ZNF182: variants seen among roughly 807,000 people sequenced by gnomAD.
ZNF182 encodes zinc finger protein 21 (KOX 14).
Under a neutral mutation model 28.1 loss-of-function variants are expected in ZNF182, and 10 were observed. The observed-to-expected ratio is 0.36, with a 90% CI of 0.22 to 0.60. The LOEUF (loss-of-function observed/expected upper bound fraction) is 0.60, where lower values mean the gene tolerates loss of function less well. Among genes scored for constraint, ZNF182 ranks in the 20% least tolerant of loss-of-function variants. ZNF182 has a pLI of 0.75. For missense variants in ZNF182, 352 were observed against 453.2 expected, an observed-to-expected ratio of 0.78 and a Z score of 2.03; for synonymous variants, 156 against 158.7, an observed-to-expected ratio of 0.98 and a Z score of 0.13.
At chrX:47,991,092 G>A (rs1201280426) in intron 3 of ZNF182, among the ~76,000 whole-genome samples, 1 of 111,763 alleles carries the variant, frequency 8.9e-6, no homozygotes, top group African/African-American at 3.3e-5. Flanking sequence ...CCCCCAATGT[G>A]ACTATATGTA....
intron 5 of ZNF182, among the ~76,000 whole-genome samples, chrX:47,981,972 T>C (rs1234873254): frequency 1.8e-5 from 2 of 110,865 alleles, no homozygotes; most frequent in Non-Finnish European, 3.8e-5. Flanking sequence ...CCTATGTATC[T>C]ACCCAAAAGA....
At chrX:48,001,255 T>C (rs782476548) in intron 3 of ZNF182, among the ~76,000 whole-genome samples, 6 of 112,639 alleles carry the variant, frequency 5.3e-5, no homozygotes, top group Non-Finnish European at 1.1e-4. Context: ...GTAGCTCTAC[T>C]CATAATTGCC....
intron 3 of ZNF182, among the ~76,000 whole-genome samples, chrX:48,001,596 G>C (rs782120366): frequency 8.9e-6 from 1 of 111,834 alleles, no homozygotes; most frequent in Non-Finnish European, 1.9e-5. Context: ...GGATCCTTGC[G>C]ATGATGGGGC....
Position 47,976,100 on chromosome X carries a change from T to C in ZNF182, c.*67A>G. On this transcript the variant is annotated 3_prime_UTR_variant, in exon 6 of 6. Coordinates refer to ENST00000376943, the MANE Select transcript of ZNF182 (RefSeq NM_001007088.2). The stretch of plus-strand genomic sequence containing the variant: ...TTAAACCACAAGTCAAAATATACTT[T>C]TAAAATGTGAGTAAAATTGACACAA... The C allele has an allele frequency of 9.8e-7, 1 of 1,023,004 alleles. No individual in the cohort carries two copies. Among genetic ancestry groups the C allele is most frequent in the Non-Finnish European group, 1.3e-6 (1 of 777,024 alleles). The allele number at this position is 1,023,004 out of a possible 1,213,427, so 84.3% of individuals were successfully genotyped here. A position where few individuals can be genotyped will look rare whatever the true frequency, so the allele number is the denominator to read the frequency against.
At chrX:47,989,930 A>G (rs2058935846) in intron 3 of ZNF182, among the ~76,000 whole-genome samples, 1 of 111,379 alleles carries the variant, frequency 9.0e-6, no homozygotes, top group Non-Finnish European at 1.9e-5. Context: ...ACTCTTACAA[A>G]TATCTGTATT....
rs4824649 is a variant in ZNF182, at chrX:47,984,225, C to T, written c.16-814G>A. Among the ~76,000 whole-genome samples, 1,135 of 111,537 alleles carry T rather than the reference C, an allele frequency of 0.01. 39 individuals carry two copies. The East Asian group carries it at 0.11, about 11-fold the overall frequency. ...AGTGAAAAATTAAGCCACATTGAGA[C>T]ACCACTATACACCCACAAGAAAGGT... On this transcript the variant is annotated intron_variant, in intron 3 of 5. Coordinates refer to ENST00000376943, the MANE Select transcript of ZNF182 (RefSeq NM_001007088.2).
chrX:47,991,939 T>C (rs2058943225), intron 3 of ZNF182, among the ~76,000 whole-genome samples: 2 of 111,779 alleles, frequency 1.8e-5, no homozygotes, highest in Admixed American at 1.9e-4. Context: ...ATCTGGAGCC[T>C]TGCTGACAAT....
At chrX:47,999,107 C>T (rs782431387) in intron 3 of ZNF182, among the ~76,000 whole-genome samples, 2 of 110,997 alleles carry the variant, frequency 1.8e-5, no homozygotes, top group Admixed American at 9.6e-5. Context: ...AGGCCGGGAG[C>T]GGTGGCTCAT....
chrX:47,976,588 TATG>T lies in ZNF182; in HGVS notation c.1439_1441del (p.Ser480del), dbSNP rs782786310. ...ATGAGTTCTTTGATGTATAATGAGA[TATG>T]ATTTCTGTGAAAATGCTTTTTCACA... On this transcript the variant is annotated inframe_deletion, in exon 6 of 6. Transcript: ENST00000376943. The T allele has an allele frequency of 8.3e-7, 1 of 1,208,905 alleles. No individual in the cohort carries two copies. Among genetic ancestry groups the T allele is most frequent in the African/African-American group, 1.7e-5 (1 of 57,281 alleles).
chrX:47,994,057 T>G (rs1556900760), intron 3 of ZNF182, among the ~76,000 whole-genome samples: 1 of 111,769 alleles, frequency 8.9e-6, no homozygotes, highest in Non-Finnish European at 1.9e-5. Context: ...CCCTAATTCA[T>G]GCCAAGCCAT....
At chrX:47,997,664 C>T (rs1322659532) in intron 3 of ZNF182, among the ~76,000 whole-genome samples, 1 of 110,818 alleles carries the variant, frequency 9.0e-6, no homozygotes, top group Non-Finnish European at 1.9e-5. Flanking sequence ...TGGTGGTAGG[C>T]ACATGTAACC....
intron 2 of ZNF182, among the ~76,000 whole-genome samples, chrX:48,003,205 T>A (rs1556902115): frequency 8.9e-6 from 1 of 112,413 alleles, no homozygotes; most frequent in African/African-American, 3.2e-5. Flanking sequence ...TAAAGTTATA[T>A]GTTAAATGTT....
Position 47,977,052 on chromosome X carries a change from G to A in ZNF182, c.978C>T (p.Thr326=). ...VHQKTHTGEK[T]YECTKCGESF... The stretch of plus-strand genomic sequence containing the variant: ...ATTCTCCACATTTAGTGCATTCATA[G>A]GTTTTCTCTCCAGTGTGGGTTTTCT... The change falls in exon 6 of 6, where the codon ACC becomes ACT. Residue 326 remains threonine (T), a synonymous_variant. Coordinates refer to ENST00000376943, the MANE Select transcript of ZNF182 (RefSeq NM_001007088.2). The A allele has an allele frequency of 8.3e-7, 1 of 1,209,355 alleles. No homozygotes were observed. Among genetic ancestry groups the A allele is most frequent in the Non-Finnish European group, 1.1e-6 (1 of 894,790 alleles).
Position 47,976,509 on chromosome X carries a change from CT to C in ZNF182, c.1520del (p.Lys507SerfsTer33). The C allele has an allele frequency of 8.3e-7, 1 of 1,209,169 alleles. No homozygotes were observed. The highest frequency in any genetic ancestry group is 1.1e-6 in the Non-Finnish European group (1 of 894,549). ...TTCTCTGATGTATAATGAGCTTTGA[CT>C]TTTCTCTGAAGGCTTTGCCACATTC... ...CNECGKAFRE[K>X]SKLIIHQRIH... On this transcript the variant is annotated frameshift_variant, in exon 6 of 6. Coordinates refer to ENST00000376943, the MANE Select transcript of ZNF182 (RefSeq NM_001007088.2). LOFTEE classifies it high-confidence loss of function.
At chrX:48,001,714 T>C (rs1310871481) in intron 3 of ZNF182, among the ~76,000 whole-genome samples, 1 of 111,729 alleles carries the variant, frequency 9.0e-6, no homozygotes, top group Non-Finnish European at 1.9e-5. Context: ...TTCTCTGTAT[T>C]ATTCTTTCAA....
At chrX:47,995,324 G>A (rs782474355) in intron 3 of ZNF182, among the ~76,000 whole-genome samples, 17 of 111,043 alleles carry the variant, frequency 1.5e-4, no homozygotes, top group Non-Finnish European at 2.6e-4. Context: ...AGAGCGAGAC[G>A]CTGTCTCAAA....
Position 47,975,872 on chromosome X carries a change from C to T in ZNF182, c.*295G>A. 4.2e-6 allele frequency: 1 copy of T among 240,089 alleles called. No individual in the cohort carries two copies. The highest frequency in any genetic ancestry group is 7.4e-6 in the Non-Finnish European group (1 of 134,519). 19.8% of individuals were successfully genotyped at this position (240,089 alleles called of 1,213,427 possible). A position where few individuals can be genotyped will look rare whatever the true frequency, so the allele number is the denominator to read the frequency against. ...AGCTAAGAGTCCTTACCAGTGCTGT[C>T]TTGCACCTGCAGCCTTGAGCACTCT... On this transcript the variant is annotated 3_prime_UTR_variant, in exon 6 of 6. Coordinates refer to ENST00000376943, the MANE Select transcript of ZNF182 (RefSeq NM_001007088.2).
chrX:47,989,920 A>T (rs1556900263), intron 3 of ZNF182, among the ~76,000 whole-genome samples: 1 of 111,203 alleles, frequency 9.0e-6, no homozygotes, highest in Admixed American at 9.6e-5. Context: ...GGCCAGCCCC[A>T]CTCTTACAAA....
intron 1 of ZNF182, 60 bp from the exon 2 acceptor site, chrX:48,003,762 T>TC (rs2058987716): frequency 9.0e-6 from 1 of 110,972 alleles, no homozygotes; most frequent in Admixed American, 9.5e-5. Context: ...TTAGCCCCCA[T>TC]AACTTTGTTC....
Sources: allele counts gnomAD v4.1 joint callset (sites outside exome capture counted in the v4.1 genomes callset), GRCh38; gene constraint gnomAD v4.1.1; transcripts MANE v1.5; gene names NCBI Gene and HGNC (gene_info 2026-07-23, HGNC 2026-07-21).